CDH13: variants seen among roughly 807,000 people sequenced by gnomAD.
The protein encoded by CDH13 is cadherin 13.
CDH13 carries 24 observed loss-of-function variants against 63.8 expected under a neutral mutation model. The observed-to-expected ratio is 0.38, with a 90% CI of 0.27 to 0.53. The LOEUF (loss-of-function observed/expected upper bound fraction) is 0.53, where lower values mean the gene tolerates loss of function less well. Among genes scored for constraint, CDH13 ranks in the 20% least tolerant of loss-of-function variants. The pLI is 0.85. For synonymous variants in CDH13, 503 were observed against 355.3 expected (o/e 1.42, Z -4.67); for missense variants, 1,049 against 903.1 (o/e 1.16, Z -2.07).
At chr16:83,263,471 G>C (rs1907222712) in intron 5 of CDH13, among the ~76,000 whole-genome samples, 1 of 152,112 alleles carries the variant, frequency 6.6e-6, no homozygotes, top group Non-Finnish European at 1.5e-5. Context: ...CCACATCACA[G>C]AATGGAACTC....
intron 1 of CDH13, among the ~76,000 whole-genome samples, chr16:82,802,196 C>A (rs74416442): frequency 2.0e-5 from 3 of 152,116 alleles, no homozygotes; most frequent in African/African-American, 7.2e-5. Context: ...AAGCATGCTC[C>A]AGTGGCCGCA....
intron 4 of CDH13, among the ~76,000 whole-genome samples, chr16:83,188,870 G>A (rs1487002060): frequency 2.6e-5 from 4 of 151,904 alleles, no homozygotes; most frequent in Admixed American, 2.6e-4. Context: ...TCCTGTAGTC[G>A]GGGTGAGTTT....
chr16:83,623,631 A>G (rs970380638), intron 8 of CDH13, among the ~76,000 whole-genome samples: 2 of 152,204 alleles, frequency 1.3e-5, no homozygotes, highest in Admixed American at 6.5e-5. Flanking sequence ...GCACGGTTCA[A>G]TTCAGGGCTG....
chr16:83,028,214 A>T (rs1915993372), intron 2 of CDH13, among the ~76,000 whole-genome samples: 1 of 152,206 alleles, frequency 6.6e-6, no homozygotes, highest in African/African-American at 2.4e-5. Context: ...GATGAATACT[A>T]ATTGATGATA....
At chr16:82,794,911 T>C (rs1387105653) in intron 1 of CDH13, among the ~76,000 whole-genome samples, 2 of 152,212 alleles carry the variant, frequency 1.3e-5, no homozygotes, top group South Asian at 2.1e-4. Context: ...GTTTCCAAGA[T>C]TCAGGACTTA....
At chr16:83,412,612 AAAG>A (rs1359305674) in intron 6 of CDH13, among the ~76,000 whole-genome samples, 3 of 152,248 alleles carry the variant, frequency 2.0e-5, no homozygotes, top group African/African-American at 4.8e-5. Context: ...GTCCCCGAAG[AAAG>A]AAGATCTCAG....
At chr16:82,822,356 G>T (rs371226131) in intron 1 of CDH13, among the ~76,000 whole-genome samples, 6 of 152,256 alleles carry the variant, frequency 3.9e-5, no homozygotes, top group African/African-American at 1.4e-4. Context: ...TATTTTTAAG[G>T]TAGAAAAAGT....
chr16:83,316,710 A>G (rs950886298), intron 5 of CDH13, among the ~76,000 whole-genome samples: 4 of 152,172 alleles, frequency 2.6e-5, no homozygotes, highest in Non-Finnish European at 1.5e-5. Context: ...GAGTGCCCAC[A>G]CTCTGCATGG....
At chr16:83,470,880 CT>C in intron 6 of CDH13, among the ~76,000 whole-genome samples, 1 of 152,112 alleles carries the variant, frequency 6.6e-6, no homozygotes, top group Non-Finnish European at 1.5e-5. Context: ...CAAAATCGGT[CT>C]CATTGGGTTA....
chr16:83,174,421 C>G lies in CDH13; in HGVS notation c.484-42924C>G, dbSNP rs1192453660. 2.0e-5 allele frequency among the ~76,000 whole-genome samples: 3 copies of G among 151,860 alleles called. 1 individual carries two copies. In the East Asian group the frequency reaches 5.8e-4, roughly 29 times the overall value. On this transcript the variant is annotated intron_variant, in intron 4 of 13. Transcript: ENST00000567109. ...TATCTTGACCAATGTTTCAGAATTA[C>G]TTAGAGCTTTATGGATTGCAGCAAG...
intron 6 of CDH13, among the ~76,000 whole-genome samples, chr16:83,399,909 A>G (rs927255489): frequency 6.6e-6 from 1 of 152,188 alleles, no homozygotes; most frequent in East Asian, 1.9e-4. Context: ...TATGCTCTCA[A>G]GTTTAAATAT....
At chr16:82,650,362 A>T (rs569828248) in intron 1 of CDH13, among the ~76,000 whole-genome samples, 1 of 152,296 alleles carries the variant, frequency 6.6e-6, no homozygotes, top group East Asian at 1.9e-4. Context: ...GGACCTGGAG[A>T]AGGCAGATGA....
chr16:83,433,253 A>G (rs976807429), intron 6 of CDH13, among the ~76,000 whole-genome samples: 3 of 152,194 alleles, frequency 2.0e-5, no homozygotes, highest in Admixed American at 1.3e-4. Flanking sequence ...GTCCATGACT[A>G]TTTGCTTACC....
chr16:83,447,490 C>T (rs1036804229), intron 6 of CDH13, among the ~76,000 whole-genome samples: 1 of 152,032 alleles, frequency 6.6e-6, no homozygotes, highest in South Asian at 2.1e-4. Flanking sequence ...GAAAGCCCGC[C>T]AGTTAGACAA....
chr16:83,720,573 T>C (rs1168375900), intron 10 of CDH13, among the ~76,000 whole-genome samples: 1 of 151,740 alleles, frequency 6.6e-6, no homozygotes, highest in East Asian at 1.9e-4. Context: ...TGAGACCCCG[T>C]CTCTGTCTTT....
At chr16:83,494,921 G>C (rs2074100592) in intron 7 of CDH13, among the ~76,000 whole-genome samples, 1 of 152,168 alleles carries the variant, frequency 6.6e-6, no homozygotes, top group African/African-American at 2.4e-5. Flanking sequence ...GCACTATGAT[G>C]TCACATTCAA....
chr16:83,361,081 A>G (rs1293619234), intron 6 of CDH13, among the ~76,000 whole-genome samples: 1 of 152,176 alleles, frequency 6.6e-6, no homozygotes, highest in East Asian at 1.9e-4. Context: ...CCTTTTCTCC[A>G]CAGCCTCATC....
At chr16:82,977,791 G>T (rs1017982935) in intron 2 of CDH13, among the ~76,000 whole-genome samples, 1 of 152,174 alleles carries the variant, frequency 6.6e-6, no homozygotes, top group South Asian at 2.1e-4. Context: ...AACAGGCAGA[G>T]GTAGGAACAG....
At chr16:82,872,066 T>A (rs1029099420) in intron 2 of CDH13, among the ~76,000 whole-genome samples, 1 of 152,150 alleles carries the variant, frequency 6.6e-6, no homozygotes, top group African/African-American at 2.4e-5. Context: ...AGGAAGGAAA[T>A]GATGCTGGGC....
Sources: gnomAD v4.1 joint callset for allele counts (sites outside exome capture counted in the v4.1 genomes callset) on GRCh38, gnomAD v4.1.1 for gene constraint, MANE v1.5 for transcripts, NCBI Gene and HGNC (gene_info 2026-07-23, HGNC 2026-07-21) for gene names.